CNST: variants seen among roughly 807,000 people sequenced by gnomAD.
The protein encoded by CNST is consortin.
Under a neutral mutation model 72.4 loss-of-function variants are expected in CNST, and 39 were observed. The ratio of observed to expected loss-of-function variants is 0.54; its 90% confidence interval spans 0.42 to 0.70. The LOEUF is 0.70. Among genes scored for constraint, CNST ranks in the 30% least tolerant of loss-of-function variants. The probability of loss-of-function intolerance (pLI) is 0.00; values close to 1 mark genes in which losing one functional copy is unlikely to be tolerated. For missense variants in CNST, 871 were observed against 868.5 expected, an observed-to-expected ratio of 1.00 and a Z score of -0.04; for synonymous variants, 332 against 320.1, an observed-to-expected ratio of 1.04 and a Z score of -0.40.
chr1:246,619,607 G>A (rs1343237792), intron 2 of CNST, among the ~76,000 whole-genome samples: 3 of 152,224 alleles, frequency 2.0e-5, no homozygotes, highest in Non-Finnish European at 4.4e-5. Context: ...TCAAGCTCAT[G>A]TTATAGGGAA....
intron 6 of CNST, among the ~76,000 whole-genome samples, chr1:246,636,803 A>T (rs1357967541): frequency 1.3e-5 from 2 of 152,176 alleles, no homozygotes; most frequent in Non-Finnish European, 2.9e-5. Flanking sequence ...AAGGTTCCAC[A>T]ATAGGATCTT....
chr1:246,589,692 T>C (rs1034862426), intron 1 of CNST, among the ~76,000 whole-genome samples: 1 of 152,242 alleles, frequency 6.6e-6, no homozygotes, highest in African/African-American at 2.4e-5. Flanking sequence ...ATTGCCATAC[T>C]GTCTTCCACA....
intron 2 of CNST, among the ~76,000 whole-genome samples, chr1:246,618,076 C>T (rs1663817318): frequency 6.6e-6 from 1 of 152,184 alleles, no homozygotes; most frequent in Admixed American, 6.5e-5. Flanking sequence ...AAAATACACC[C>T]AGAAAGGAAC....
At chr1:246,570,729 T>G (rs1180588103) in intron 1 of CNST, among the ~76,000 whole-genome samples, 1 of 152,260 alleles carries the variant, frequency 6.6e-6, no homozygotes, top group African/African-American at 2.4e-5. Context: ...GATAGCTGTT[T>G]ATTGGCACCC....
chr1:246,606,052 C>A (rs1184314716), intron 2 of CNST: 1 of 152,202 alleles, frequency 6.6e-6, no homozygotes, highest in Non-Finnish European at 1.5e-5. Context: ...ATAACTACTT[C>A]AGGTGTGACA....
intron 2 of CNST, among the ~76,000 whole-genome samples, chr1:246,616,586 C>T (rs545758574): frequency 6.6e-5 from 10 of 151,844 alleles, no homozygotes; most frequent in African/African-American, 2.2e-4. Context: ...GTTGGAGTCT[C>T]ACTCTGTTGC....
intron 2 of CNST, among the ~76,000 whole-genome samples, chr1:246,599,173 T>A (rs1395260859): frequency 2.0e-5 from 3 of 146,820 alleles, no homozygotes; most frequent in African/African-American, 2.5e-5. Context: ...AAAACTGTCT[T>A]AGGAAAAAAA....
intron 3 of CNST, among the ~76,000 whole-genome samples, chr1:246,624,398 A>G (rs944447968): frequency 6.6e-6 from 1 of 152,258 alleles, no homozygotes; most frequent in African/African-American, 2.4e-5. Flanking sequence ...GTTGTAAAGT[A>G]ATAGAGGATT....
At chr1:246,646,064 G>A (rs1036621932) in intron 8 of CNST, among the ~76,000 whole-genome samples, 6 of 151,882 alleles carry the variant, frequency 4.0e-5, no homozygotes, top group Non-Finnish European at 5.9e-5. Context: ...CAGATCACGA[G>A]GTCAGGAGAT....
intron 2 of CNST, among the ~76,000 whole-genome samples, chr1:246,594,875 T>G (rs1166792179): frequency 1.3e-5 from 2 of 152,240 alleles, no homozygotes; most frequent in Admixed American, 1.3e-4. Flanking sequence ...TGTTGTCGTC[T>G]GTATAATGAT....
At chr1:246,622,309 C>G (rs3129547) in intron 3 of CNST, among the ~76,000 whole-genome samples, 3 of 152,020 alleles carry the variant, frequency 2.0e-5, no homozygotes, top group African/African-American at 4.8e-5. Flanking sequence ...ACAGGAGCAA[C>G]GGTTCTATCG....
intron 8 of CNST, 149 bp downstream of exon 8, chr1:246,642,186 A>G (rs1305806311): frequency 2.2e-6 from 1 of 455,654 alleles, no homozygotes; most frequent in Non-Finnish European, 3.7e-6. Context: ...TACCTCTCCT[A>G]GAAAAAGAGC....
At chr1:246,657,451 G>A (rs938413620) in intron 9 of CNST, among the ~76,000 whole-genome samples, 1 of 152,146 alleles carries the variant, frequency 6.6e-6, no homozygotes, top group Non-Finnish European at 1.5e-5. Context: ...GAAACAAAAG[G>A]GTTTTGGTGG....
intron 2 of CNST, among the ~76,000 whole-genome samples, chr1:246,603,543 G>C (rs566874956): frequency 1.3e-5 from 2 of 152,276 alleles, no homozygotes; most frequent in South Asian, 4.1e-4. Context: ...CGCTTAGTTT[G>C]TAAAAGGCAC....
intron 1 of CNST, among the ~76,000 whole-genome samples, chr1:246,585,664 T>C (rs143964632): frequency 4.1e-3 from 163 of 39,580 alleles, no homozygotes; most frequent in South Asian, 9.3e-3. Flanking sequence ...AAAAAAAAAA[T>C]ATACACACAC....
Position 246,634,511 on chromosome 1 carries a change from G to A in CNST, c.742G>A (p.Ala248Thr), listed in dbSNP as rs1213453450. 1 of 1,607,896 alleles carries A rather than the reference G, an allele frequency of 6.2e-7. No individual in the cohort carries two copies. ...AACTGTGCAACCACATACAGTTACG[G>A]CTCTAAGGAATTCAGAAAAGGGATT... ...WKTVQPHTVTALRNSEKGFNG... is the reference protein window; with the variant it reads ...WKTVQPHTVTTLRNSEKGFNG... Residue 248 changes from alanine (A) to threonine (T), a missense_variant, in exon 6 of 11, where the codon GCT becomes ACT. Ala to Thr is a moderately conservative substitution (Grantham distance 58). Transcript: ENST00000366513.
chr1:246,582,537 C>T (rs976720464), intron 1 of CNST, among the ~76,000 whole-genome samples: 2 of 152,102 alleles, frequency 1.3e-5, no homozygotes, highest in Admixed American at 1.3e-4. Flanking sequence ...GTATCCTTCT[C>T]CCCTTTACCC....
intron 2 of CNST, among the ~76,000 whole-genome samples, chr1:246,602,862 C>T (rs1459054817): frequency 6.6e-6 from 1 of 150,858 alleles, no homozygotes; most frequent in Non-Finnish European, 1.5e-5. Flanking sequence ...TATGATGGTA[C>T]AGACAGCCCA....
intron 1 of CNST, among the ~76,000 whole-genome samples, chr1:246,582,674 CTACTT>C (rs1351833486): frequency 6.6e-6 from 1 of 152,228 alleles, no homozygotes; most frequent in Admixed American, 6.5e-5. Context: ...AGGCTCGTCA[CTACTT>C]TACTTCAGCA....
Sources: gnomAD v4.1 joint callset for allele counts (sites outside exome capture counted in the v4.1 genomes callset) on GRCh38, gnomAD v4.1.1 for gene constraint, MANE v1.5 for transcripts, NCBI Gene and HGNC (gene_info 2026-07-23, HGNC 2026-07-21) for gene names.